Variants in NR3C2 observed in about 807,000 individuals in gnomAD.
NR3C2 encodes nuclear receptor subfamily 3 group C member 2, also known as mineralocorticoid receptor.
NR3C2 carries 15 observed loss-of-function variants against 86.4 expected under a neutral mutation model. The observed-to-expected ratio is 0.17, with a 90% CI of 0.12 to 0.27. NR3C2 has a LOEUF of 0.27. NR3C2 is among the 10% of genes least tolerant of loss of function. The pLI, the probability that NR3C2 is intolerant of heterozygous loss-of-function variation, is 1.00. For missense variants in NR3C2, 960 were observed against 1,195.6 expected (o/e 0.80, Z 2.91); for synonymous variants, 458 against 450.5 (o/e 1.02, Z -0.21).
chr4:148,243,943 C>T (rs1739190339), intron 3 of NR3C2, among the ~76,000 whole-genome samples: 1 of 152,148 alleles, frequency 6.6e-6, no homozygotes, highest in Non-Finnish European at 1.5e-5. Flanking sequence ...GCAAGTGGTA[C>T]TATGTACAAA....
intron 3 of NR3C2, among the ~76,000 whole-genome samples, chr4:148,246,483 C>A (rs1045876828): frequency 2.0e-4 from 30 of 152,122 alleles, no homozygotes; most frequent in Non-Finnish European, 2.5e-4. Context: ...TTCTTGTAGT[C>A]CAGTTAGCAA....
chr4:148,394,738 C>T (rs760992943), intron 2 of NR3C2, among the ~76,000 whole-genome samples: 1 of 152,010 alleles, frequency 6.6e-6, no homozygotes, highest in Non-Finnish European at 1.5e-5. Context: ...CTGGGTACTA[C>T]ACAGAAGCAG....
intron 2 of NR3C2, among the ~76,000 whole-genome samples, chr4:148,324,320 A>G (rs1743827925): frequency 6.7e-6 from 1 of 149,286 alleles, no homozygotes; most frequent in African/African-American, 2.5e-5. Context: ...TTAAGACTGA[A>G]TAATATTCCT....
chr4:148,265,638 C>T (rs1740346567), intron 2 of NR3C2, among the ~76,000 whole-genome samples: 1 of 152,200 alleles, frequency 6.6e-6, no homozygotes, highest in Non-Finnish European at 1.5e-5. Flanking sequence ...TATACTATTA[C>T]TTAATCAGAT....
intron 2 of NR3C2, among the ~76,000 whole-genome samples, chr4:148,394,285 G>A (rs534174999): frequency 6.6e-6 from 1 of 151,852 alleles, no homozygotes; most frequent in East Asian, 1.9e-4. Context: ...ATAAATAGAT[G>A]TTGCCTGAAC....
intron 6 of NR3C2, among the ~76,000 whole-genome samples, chr4:148,135,717 A>G (rs561260590): frequency 6.6e-6 from 1 of 151,954 alleles, no homozygotes; most frequent in South Asian, 2.1e-4. Context: ...TTTAGGAGCA[A>G]CCATCTCAAA....
At chr4:148,151,164 G>A (rs1734085138) in intron 6 of NR3C2, among the ~76,000 whole-genome samples, 1 of 152,100 alleles carries the variant, frequency 6.6e-6, no homozygotes, top group Non-Finnish European at 1.5e-5. Flanking sequence ...CACATTTTAT[G>A]ACAAAAATTA....
chr4:148,157,644 A>C (rs1040106422), intron 4 of NR3C2, among the ~76,000 whole-genome samples: 1 of 152,118 alleles, frequency 6.6e-6, no homozygotes, highest in Non-Finnish European at 1.5e-5. Context: ...AAAGTTAAGA[A>C]GCACCAAACT....
At chr4:148,259,315 T>A (rs1054196397) in intron 3 of NR3C2, among the ~76,000 whole-genome samples, 1 of 152,208 alleles carries the variant, frequency 6.6e-6, no homozygotes, top group African/African-American at 2.4e-5. Flanking sequence ...GGTAACTAAC[T>A]GCTTATAAGT....
chr4:148,363,240 T>A (rs1223470181), intron 2 of NR3C2, among the ~76,000 whole-genome samples: 2 of 152,334 alleles, frequency 1.3e-5, no homozygotes, highest in Admixed American at 6.5e-5. Flanking sequence ...TGTATTCTTT[T>A]CTGCTTTTAG....
chr4:148,432,522 G>T (rs1201710523), intron 2 of NR3C2, among the ~76,000 whole-genome samples: 1 of 151,988 alleles, frequency 6.6e-6, no homozygotes, highest in Non-Finnish European at 1.5e-5. Context: ...CCTTGAAAAG[G>T]TCTCAGGAAC....
chr4:148,232,486 T>A (rs1033527619), intron 3 of NR3C2, among the ~76,000 whole-genome samples: 1 of 152,252 alleles, frequency 6.6e-6, no homozygotes, highest in African/African-American at 2.4e-5. Flanking sequence ...TATACCATGC[T>A]GTGCACAAAT....
At chr4:148,181,432 G>T (rs1381635656) in intron 4 of NR3C2, among the ~76,000 whole-genome samples, 1 of 152,144 alleles carries the variant, frequency 6.6e-6, no homozygotes, top group Non-Finnish European at 1.5e-5. Flanking sequence ...AAAACTCTAT[G>T]ATCCCCTCTA....
At chr4:148,153,491 A>G (rs1042866083) in intron 5 of NR3C2, among the ~76,000 whole-genome samples, 6 of 151,858 alleles carry the variant, frequency 4.0e-5, no homozygotes, top group African/African-American at 1.5e-4. Flanking sequence ...TTTGTTTTTT[A>G]TCACCTCCCC....
intron 2 of NR3C2, among the ~76,000 whole-genome samples, chr4:148,372,082 T>G (rs1746449804): frequency 6.6e-6 from 1 of 152,178 alleles, no homozygotes; most frequent in Non-Finnish European, 1.5e-5. Flanking sequence ...ACTCTAAAAC[T>G]TGAAGTAAAA....
chr4:148,320,959 A>T (rs1252836934), intron 2 of NR3C2, among the ~76,000 whole-genome samples: 8 of 147,724 alleles, frequency 5.4e-5, no homozygotes, highest in South Asian at 4.5e-4. Flanking sequence ...AGTTCTTTTA[A>T]TTGTGATGTT....
intron 2 of NR3C2, among the ~76,000 whole-genome samples, chr4:148,302,902 C>A (rs184719055): frequency 6.6e-6 from 1 of 150,880 alleles, no homozygotes; most frequent in African/African-American, 2.4e-5. Context: ...ACCACATGCT[C>A]TTGAGACCTC....
At chr4:148,298,710 G>A (rs908976724) in intron 2 of NR3C2, among the ~76,000 whole-genome samples, 1 of 152,206 alleles carries the variant, frequency 6.6e-6, no homozygotes, top group Non-Finnish European at 1.5e-5. Flanking sequence ...TTAGCACTTG[G>A]GCTGATCAGA....
intron 8 of NR3C2, among the ~76,000 whole-genome samples, chr4:148,105,010 G>A (rs1483097678): frequency 6.6e-6 from 1 of 152,158 alleles, no homozygotes; most frequent in Admixed American, 6.5e-5. Context: ...CCAAGTAAAT[G>A]GTGGACATAG....
Sources: gnomAD v4.1 joint callset for allele counts (sites outside exome capture counted in the v4.1 genomes callset) on GRCh38, gnomAD v4.1.1 for gene constraint, MANE v1.5 for transcripts, NCBI Gene and HGNC (gene_info 2026-07-23, HGNC 2026-07-21) for gene names.